Variants in SEM1 observed in about 807,000 individuals in gnomAD.
SEM1 encodes 26S proteasome complex subunit SEM1.
A neutral mutation model predicts 12.7 loss-of-function variants in SEM1; 3 were observed. The ratio of observed to expected loss-of-function variants is 0.24; its 90% confidence interval spans 0.11 to 0.61. The LOEUF is 0.61. Ranked by LOEUF, SEM1 falls within the 20% of genes least tolerant of loss-of-function variation. The probability of loss-of-function intolerance (pLI) is 0.88; values close to 1 mark genes in which losing one functional copy is unlikely to be tolerated. For synonymous variants in SEM1, 30 were observed against 27.8 expected, an observed-to-expected ratio of 1.08 and a Z score of -0.25; for missense variants, 59 against 81.3, an observed-to-expected ratio of 0.73 and a Z score of 1.06.
intron 2 of SEM1, among the ~76,000 whole-genome samples, chr7:96,596,714 G>T (rs761676966): frequency 2.4e-4 from 37 of 152,194 alleles, no homozygotes; most frequent in Non-Finnish European, 2.4e-4. Flanking sequence ...GTGCTAAATT[G>T]TTTGGTTTTA....
intron 3 of SEM1, chr7:96,503,558 G>T (rs1379960881): frequency 6.6e-6 from 1 of 152,084 alleles, no homozygotes; most frequent in East Asian, 1.9e-4. Flanking sequence ...ATTGAGAGAA[G>T]CTAATCAATG....
At chr7:96,499,546 C>T (rs570373750), upstream of SEM1, among the ~76,000 whole-genome samples, 153 of 152,264 alleles carry the variant, frequency 1.0e-3, 2 homozygotes, top group Middle Eastern at 3.4e-3. Flanking sequence ...TTTATTTCAA[C>T]GAGCATTTAC....
upstream of SEM1, among the ~76,000 whole-genome samples, chr7:96,499,836 A>G (rs1043838631): frequency 2.6e-5 from 4 of 152,194 alleles, no homozygotes; most frequent in Admixed American, 1.3e-4. Flanking sequence ...CATGGGCTAG[A>G]AAAACGTTTT....
intron 2 of SEM1, among the ~76,000 whole-genome samples, chr7:96,536,342 A>T (rs993462324): frequency 2.0e-5 from 3 of 151,780 alleles, no homozygotes; most frequent in African/African-American, 7.2e-5. Flanking sequence ...AAAATGTGGC[A>T]TTTATTGGTG....
intron 2 of SEM1, among the ~76,000 whole-genome samples, chr7:96,655,523 C>T (rs773744263): frequency 4.6e-5 from 7 of 151,114 alleles, no homozygotes; most frequent in Admixed American, 6.6e-5. Context: ...CCTCGTGTTC[C>T]GCCTGCCTAG....
intron 2 of SEM1, among the ~76,000 whole-genome samples, chr7:96,590,014 G>A (rs1340470894): frequency 6.6e-6 from 1 of 152,036 alleles, no homozygotes; most frequent in Non-Finnish European, 1.5e-5. Context: ...GCAAAAAAAG[G>A]CATGAAACCC....
chr7:96,553,910 C>G (rs1200437091), intron 2 of SEM1, among the ~76,000 whole-genome samples: 1 of 152,146 alleles, frequency 6.6e-6, no homozygotes, highest in African/African-American at 2.4e-5. Context: ...AGGTCCTTCA[C>G]ATCCCTTGTA....
At chr7:96,702,542 C>A (rs1790302501) in intron 1 of SEM1, among the ~76,000 whole-genome samples, 1 of 152,174 alleles carries the variant, frequency 6.6e-6, no homozygotes, top group Non-Finnish European at 1.5e-5. Context: ...ATGGGACAAT[C>A]TGAGAATCCA....
rs1789015448 is a variant in SEM1 at position 96,661,958 on chromosome 7, A to C, written c.170+32840T>G. On this transcript the variant is annotated intron_variant, in intron 2 of 2. Coordinates refer to the SEM1 transcript ENST00000417009. Reference sequence around the variant, plus strand: ...AGCCAAGATCATGCCATTGCACTCCAGCCTAGGCAACAAGAGCAAAACTCC... The same window carrying C: ...AGCCAAGATCATGCCATTGCACTCCCGCCTAGGCAACAAGAGCAAAACTCC... Among the ~76,000 whole-genome samples, 7 of 148,490 alleles carry C rather than the reference A, an allele frequency of 4.7e-5. No homozygotes were observed. The South Asian group carries it at 1.5e-3, about 32-fold the overall frequency.
At chr7:96,512,282 G>A (rs1448506540) in intron 2 of SEM1, among the ~76,000 whole-genome samples, 1 of 152,046 alleles carries the variant, frequency 6.6e-6, no homozygotes. Flanking sequence ...GCCTCTTGAT[G>A]AAGAGAAACA....
At chr7:96,646,017 A>G (rs1808781688) in intron 2 of SEM1, 1 of 396,458 alleles carries the variant, frequency 2.5e-6, no homozygotes, top group Non-Finnish European at 4.4e-6. Context: ...CTGATTCATC[A>G]TGTCTTTCCC....
intron 2 of SEM1, among the ~76,000 whole-genome samples, chr7:96,612,138 A>G (rs1321755737): frequency 6.6e-6 from 1 of 152,238 alleles, no homozygotes; most frequent in Non-Finnish European, 1.5e-5. Context: ...TTTATAAAGC[A>G]GCTCCAAATA....
chr7:96,687,045 T>TCACTA (rs1244087902), downstream of SEM1, among the ~76,000 whole-genome samples: 2 of 152,156 alleles, frequency 1.3e-5, no homozygotes, highest in Admixed American at 1.3e-4. Flanking sequence ...ATGCTCATCA[T>TCACTA]CACTAGCCAT....
intron 2 of SEM1, among the ~76,000 whole-genome samples, chr7:96,510,440 T>C (rs1420549002): frequency 6.6e-6 from 1 of 152,174 alleles, no homozygotes; most frequent in Non-Finnish European, 1.5e-5. Flanking sequence ...AACACAGTGG[T>C]TATATATTTG....
At position 96,484,092 on chromosome 7, in the gene SEM1, A is replaced by C. The variant is rs541805384; in HGVS notation, c.258-104T>G. 5.1e-5 allele frequency: 55 copies of C among 1,073,662 alleles called. 1 individual carries two copies. The East Asian group carries it at 1.5e-3, about 29-fold the overall frequency. The allele number at this position is 1,073,662 out of a possible 1,614,324, so 66.5% of individuals were successfully genotyped here. Reference sequence around the variant, plus strand: ...ACAACAACCCTATAGGGTAGATCCAATCATCCCCATTTTAGAGATGAGAAA... The same window carrying C: ...ACAACAACCCTATAGGGTAGATCCACTCATCCCCATTTTAGAGATGAGAAA... On this transcript the variant is annotated intron_variant, in intron 3 of 3. Coordinates refer to the SEM1 transcript ENST00000356686.
At chr7:96,546,669 A>G (rs916479594) in intron 2 of SEM1, among the ~76,000 whole-genome samples, 1 of 152,094 alleles carries the variant, frequency 6.6e-6, no homozygotes, top group Non-Finnish European at 1.5e-5. Flanking sequence ...TTCCACCGGC[A>G]CGATCTTCAT....
intron 2 of SEM1, among the ~76,000 whole-genome samples, chr7:96,641,270 T>G (rs573826147): frequency 6.6e-6 from 1 of 151,910 alleles, no homozygotes; most frequent in African/African-American, 2.4e-5. Context: ...AGCTAGAGAT[T>G]TATCTATTAG....
intron 2 of SEM1, among the ~76,000 whole-genome samples, chr7:96,526,248 G>T (rs976815622): frequency 6.6e-6 from 1 of 151,496 alleles, no homozygotes; most frequent in African/African-American, 2.4e-5. Context: ...ACAGTTCTCT[G>T]GGCACAGGTA....
chr7:96,489,406 T>A (rs769858522), intron 1 of SEM1, among the ~76,000 whole-genome samples: 19 of 152,130 alleles, frequency 1.2e-4, no homozygotes, highest in Non-Finnish European at 1.9e-4. Context: ...GAATTTTCAT[T>A]TGTAATAAGT....
Sources: allele counts gnomAD v4.1 joint callset (sites outside exome capture counted in the v4.1 genomes callset), GRCh38; gene constraint gnomAD v4.1.1; transcripts MANE v1.5; gene names NCBI Gene and HGNC (gene_info 2026-07-23, HGNC 2026-07-21).